The following SPIRE1 variants were observed in gnomAD, a reference collection of about 807,000 sequenced individuals.
SPIRE1 encodes protein spire homolog 1.
SPIRE1 carries 40 observed loss-of-function variants against 94.1 expected under a neutral mutation model. The observed-to-expected ratio is 0.43, with a 90% CI of 0.33 to 0.55. SPIRE1 has a LOEUF of 0.55. Among genes scored for constraint, SPIRE1 ranks in the 20% least tolerant of loss-of-function variants. The pLI is 0.06. For missense variants in SPIRE1, 838 were observed against 975.2 expected (o/e 0.86, Z 1.87); for synonymous variants, 376 against 371.7 (o/e 1.01, Z -0.13).
intron 2 of SPIRE1, among the ~76,000 whole-genome samples, chr18:12,554,813 T>C (rs769479607): frequency 1.3e-5 from 2 of 152,232 alleles, no homozygotes; most frequent in African/African-American, 4.8e-5. Context: ...AGTTGTTGCA[T>C]AGAGCTGATA....
intron 1 of SPIRE1, among the ~76,000 whole-genome samples, chr18:12,645,359 A>C (rs879774472): frequency 1.1e-4 from 17 of 152,138 alleles, no homozygotes; most frequent in Non-Finnish European, 1.9e-4. Context: ...TTAATTTCCA[A>C]CAAGTATAAA....
At chr18:12,617,554 G>A (rs1051999872) in intron 2 of SPIRE1, among the ~76,000 whole-genome samples, 3 of 151,970 alleles carry the variant, frequency 2.0e-5, no homozygotes, top group Non-Finnish European at 4.4e-5. Context: ...GGGATTATAG[G>A]CGCCTGCCAC....
intron 10 of SPIRE1, among the ~76,000 whole-genome samples, chr18:12,476,564 A>AT (rs1555682891): frequency 4.6e-4 from 32 of 69,858 alleles, no homozygotes; most frequent in Non-Finnish European, 5.9e-4. Flanking sequence ...AAAAAAAAAA[A>AT]ATATATATAT....
chr18:12,452,129 T>C, intron 16 of SPIRE1, 126 bp downstream of exon 16: 1 of 1,144,214 alleles, frequency 8.7e-7, no homozygotes, highest in South Asian at 1.6e-5. Context: ...TGTAAAACTG[T>C]ATTAAAACCA....
At chr18:12,576,350 C>A (rs898791601) in intron 2 of SPIRE1, among the ~76,000 whole-genome samples, 3 of 152,010 alleles carry the variant, frequency 2.0e-5, no homozygotes, top group African/African-American at 7.3e-5. Flanking sequence ...GTAATCCTGA[C>A]ACTTTGGGAG....
At chr18:12,572,181 TG>T (rs943928890) in intron 2 of SPIRE1, among the ~76,000 whole-genome samples, 2 of 151,726 alleles carry the variant, frequency 1.3e-5, no homozygotes, top group African/African-American at 2.4e-5. Context: ...AGACCAGCAG[TG>T]GGGGCTTGGG....
intron 4 of SPIRE1, among the ~76,000 whole-genome samples, chr18:12,514,397 T>C (rs1359655999): frequency 1.3e-5 from 2 of 152,214 alleles, no homozygotes; most frequent in East Asian, 1.9e-4. Context: ...AATGTACTTA[T>C]TTCATATGTT....
intron 2 of SPIRE1, among the ~76,000 whole-genome samples, chr18:12,615,327 C>CAAA (rs1234229698): frequency 0.034 from 75 of 2,188 alleles, 18 homozygotes; most frequent in South Asian, 0.056. Context: ...AACTCTGTCT[C>CAAA]AAAAAAAAAA....
intron 2 of SPIRE1, 58 bp from the exon 3 acceptor site, chr18:12,546,962 T>G: frequency 8.5e-7 from 1 of 1,172,058 alleles, no homozygotes; most frequent in Middle Eastern, 1.9e-4. Context: ...CTAGGACTAA[T>G]TGTGAGGCAT....
rs780859987 is a variant in SPIRE1 at position 12,447,737 on chromosome 18, T to C, written c.*1901A>G. Reference sequence around the variant, plus strand: ...TGCTTTGTGAATGTGAATGAAAGTCTTATTTTGGGGGTGTAGTTTCTTATG... The same window carrying C: ...TGCTTTGTGAATGTGAATGAAAGTCCTATTTTGGGGGTGTAGTTTCTTATG... On this transcript the variant is annotated 3_prime_UTR_variant, in exon 17 of 17. Transcript: ENST00000409402. The C allele has an allele frequency of 8.5e-5, 13 of 152,206 alleles. No individual in the cohort carries two copies. The highest frequency in any genetic ancestry group is 1.6e-4 in the Non-Finnish European group (11 of 68,042). 9.4% of individuals were successfully genotyped at this position (152,206 alleles called of 1,614,324 possible).
At chr18:12,535,648 T>A in intron 3 of SPIRE1, 47 bp from the exon 4 acceptor site, 1 of 1,542,508 alleles carries the variant, frequency 6.5e-7, no homozygotes, top group South Asian at 1.2e-5. Context: ...ACTATTTGGG[T>A]TTTTTTTGTA....
intron 1 of SPIRE1, among the ~76,000 whole-genome samples, chr18:12,648,759 G>A (rs1014359114): frequency 6.6e-6 from 1 of 151,876 alleles, no homozygotes; most frequent in Non-Finnish European, 1.5e-5. Context: ...TGTGGTGGCA[G>A]GTGCCTGTAA....
intron 2 of SPIRE1, among the ~76,000 whole-genome samples, chr18:12,630,640 G>C (rs1034236129): frequency 6.6e-6 from 1 of 152,180 alleles, no homozygotes; most frequent in South Asian, 2.1e-4. Context: ...GCCTGGGCAA[G>C]AGCAAGACTC....
intron 3 of SPIRE1, 32 bp downstream of exon 3, chr18:12,546,642 A>G (rs762964556): frequency 2.6e-5 from 40 of 1,514,370 alleles, no homozygotes; most frequent in African/African-American, 4.1e-5. Context: ...AACTCTTGAA[A>G]AAAACAAGTA....
At chr18:12,459,914 G>A (rs1473016792) in intron 12 of SPIRE1, 1 of 985,744 alleles carries the variant, frequency 1.0e-6, no homozygotes, top group Non-Finnish European at 1.2e-6. Flanking sequence ...GCCATACACT[G>A]GTTATCCTAG....
chr18:12,549,910 C>T (rs62097097), intron 2 of SPIRE1, among the ~76,000 whole-genome samples: 1 of 152,184 alleles, frequency 6.6e-6, no homozygotes, highest in Non-Finnish European at 1.5e-5. Context: ...AGCAAGCTTG[C>T]TCTTTTCTCT....
At chr18:12,633,984 C>A (rs1481709303) in intron 2 of SPIRE1, among the ~76,000 whole-genome samples, 1 of 152,198 alleles carries the variant, frequency 6.6e-6, no homozygotes, top group African/African-American at 2.4e-5. Flanking sequence ...CACAGTGGCT[C>A]ATGCCTGTAA....
chr18:12,508,890 G>A (rs2144004357), intron 5 of SPIRE1, among the ~76,000 whole-genome samples: 1 of 152,256 alleles, frequency 6.6e-6, no homozygotes, highest in South Asian at 2.1e-4. Flanking sequence ...GGCCAGGCTG[G>A]TCTTGAACTC....
intron 2 of SPIRE1, among the ~76,000 whole-genome samples, chr18:12,614,354 T>C (rs914961908): frequency 6.6e-5 from 10 of 152,104 alleles, no homozygotes; most frequent in Admixed American, 6.6e-4. Context: ...TACTAGAAAA[T>C]TTCAAATTAT....
Sources: gnomAD v4.1 joint callset for allele counts (sites outside exome capture counted in the v4.1 genomes callset) on GRCh38, gnomAD v4.1.1 for gene constraint, MANE v1.5 for transcripts, NCBI Gene and HGNC (gene_info 2026-07-23, HGNC 2026-07-21) for gene names.